The following CDH13 variants were observed in gnomAD, a reference collection of about 807,000 sequenced individuals.
CDH13 encodes the protein cadherin 13.
A neutral mutation model predicts 63.8 loss-of-function variants in CDH13; 24 were observed. The observed-to-expected ratio is 0.38, with a 90% CI of 0.27 to 0.53. CDH13 has a LOEUF of 0.53. Ranked by LOEUF, CDH13 falls within the 20% of genes least tolerant of loss-of-function variation. The probability of loss-of-function intolerance (pLI) is 0.85; values close to 1 mark genes in which losing one functional copy is unlikely to be tolerated. For synonymous variants in CDH13, 503 were observed against 355.3 expected (o/e 1.42, Z -4.67); for missense variants, 1,049 against 903.1 (o/e 1.16, Z -2.07).
intron 2 of CDH13, among the ~76,000 whole-genome samples, chr16:83,011,004 C>T (rs1389583152): frequency 6.6e-6 from 1 of 152,126 alleles, no homozygotes; most frequent in Non-Finnish European, 1.5e-5. Context: ...AACATCGTCG[C>T]CTAATTTTAA....
intron 4 of CDH13, among the ~76,000 whole-genome samples, chr16:83,194,629 A>T (rs1264928152): frequency 6.6e-6 from 1 of 152,226 alleles, no homozygotes; most frequent in African/African-American, 2.4e-5. Flanking sequence ...TTCTTGGGTA[A>T]AAAGAAAACG....
intron 5 of CDH13, among the ~76,000 whole-genome samples, chr16:83,224,710 C>G (rs1364513478): frequency 6.6e-6 from 1 of 152,210 alleles, no homozygotes; most frequent in Non-Finnish European, 1.5e-5. Flanking sequence ...ATGGTTCATT[C>G]TAATACTCTG....
intron 10 of CDH13, among the ~76,000 whole-genome samples, chr16:83,681,245 C>A (rs1041493563): frequency 6.6e-6 from 1 of 152,146 alleles, no homozygotes; most frequent in African/African-American, 2.4e-5. Flanking sequence ...TAATCAGGAA[C>A]CACAGAGAGC....
At chr16:82,735,955 T>G (rs1378362447) in intron 1 of CDH13, among the ~76,000 whole-genome samples, 4 of 152,184 alleles carry the variant, frequency 2.6e-5, no homozygotes, top group Non-Finnish European at 5.9e-5. Flanking sequence ...CTAGGCTGAT[T>G]TAGAGGTTTC....
At chr16:82,908,628 A>G (rs780516742) in intron 2 of CDH13, among the ~76,000 whole-genome samples, 10 of 152,218 alleles carry the variant, frequency 6.6e-5, no homozygotes, top group South Asian at 2.1e-4. Context: ...CTTAGAGGCA[A>G]CCAACATTAT....
At chr16:83,593,413 CA>C (rs1257521873) in intron 7 of CDH13, among the ~76,000 whole-genome samples, 1 of 152,130 alleles carries the variant, frequency 6.6e-6, no homozygotes, top group Non-Finnish European at 1.5e-5. Flanking sequence ...TCTCTGTTTC[CA>C]ACTAAGTGCT....
intron 2 of CDH13, among the ~76,000 whole-genome samples, chr16:82,975,353 C>G (rs557098049): frequency 3.9e-5 from 6 of 152,262 alleles, no homozygotes; most frequent in Non-Finnish European, 7.4e-5. Context: ...AGAGAGGGCC[C>G]CAGACAGTGG....
intron 6 of CDH13, among the ~76,000 whole-genome samples, chr16:83,431,196 T>G (rs2072093654): frequency 6.6e-6 from 1 of 151,970 alleles, no homozygotes; most frequent in Non-Finnish European, 1.5e-5. Context: ...ATGTGCCACA[T>G]TTTCTTAATC....
chr16:82,970,916 G>T (rs941484440), intron 2 of CDH13, among the ~76,000 whole-genome samples: 2 of 152,258 alleles, frequency 1.3e-5, no homozygotes, highest in Non-Finnish European at 2.9e-5. Context: ...TACTTACTCA[G>T]AGTGCAGGCA....
At chr16:83,350,358 A>G (rs2090927727) in intron 6 of CDH13, among the ~76,000 whole-genome samples, 1 of 152,240 alleles carries the variant, frequency 6.6e-6, no homozygotes, top group Non-Finnish European at 1.5e-5. Context: ...CCCAAACTGC[A>G]TGACTGACAA....
intron 8 of CDH13, among the ~76,000 whole-genome samples, chr16:83,612,130 TC>T (rs905358097): frequency 6.6e-6 from 1 of 152,092 alleles, no homozygotes; most frequent in African/African-American, 2.4e-5. Context: ...TAATTACAGA[TC>T]TATCTATTTC....
At chr16:83,517,417 C>T (rs1001657826) in intron 7 of CDH13, among the ~76,000 whole-genome samples, 4 of 152,196 alleles carry the variant, frequency 2.6e-5, no homozygotes, top group Non-Finnish European at 5.9e-5. Context: ...GAGCTCTGTT[C>T]CACGTAGTCA....
intron 7 of CDH13, among the ~76,000 whole-genome samples, chr16:83,582,019 T>A (rs1045893063): frequency 1.3e-5 from 2 of 152,182 alleles, no homozygotes; most frequent in African/African-American, 4.8e-5. Context: ...AAAGATTGCC[T>A]GGTCCTGGGT....
chr16:83,664,999 ATTG>A (rs1261839218), intron 8 of CDH13, among the ~76,000 whole-genome samples: 2 of 152,204 alleles, frequency 1.3e-5, no homozygotes, highest in Non-Finnish European at 1.5e-5. Flanking sequence ...ATTAAAATGA[ATTG>A]TTGTATCTTT....
At chr16:82,871,110 G>C (rs183703560) in intron 2 of CDH13, among the ~76,000 whole-genome samples, 86 of 152,300 alleles carry the variant, frequency 5.6e-4, no homozygotes, top group Non-Finnish European at 8.8e-4. Context: ...TAACACTATT[G>C]ACAATACCTG....
At chr16:82,695,875 C>T (rs1409846728) in intron 1 of CDH13, among the ~76,000 whole-genome samples, 2 of 152,166 alleles carry the variant, frequency 1.3e-5, no homozygotes, top group African/African-American at 4.8e-5. Context: ...ACATTAAACA[C>T]AGAGTTAAAT....
At chr16:83,424,265 A>G (rs532996925) in intron 6 of CDH13, among the ~76,000 whole-genome samples, 1 of 152,374 alleles carries the variant, frequency 6.6e-6, no homozygotes, top group South Asian at 2.1e-4. Flanking sequence ...TGGACAGTCT[A>G]GAAGAGGAAA....
intron 1 of CDH13, among the ~76,000 whole-genome samples, chr16:82,809,982 C>T (rs1230436677): frequency 6.6e-5 from 10 of 152,294 alleles, no homozygotes; most frequent in Non-Finnish European, 8.8e-5. Flanking sequence ...TCTCTGTATG[C>T]CCATCTATTA....
intron 3 of CDH13, among the ~76,000 whole-genome samples, chr16:83,107,308 T>C (rs2034817701): frequency 8.0e-6 from 1 of 124,584 alleles, no homozygotes; most frequent in African/African-American, 3.2e-5. Context: ...AAAGAGTTCG[T>C]TGGGGTTGGT....
Sources: gnomAD v4.1 joint callset for allele counts (sites outside exome capture counted in the v4.1 genomes callset) on GRCh38, gnomAD v4.1.1 for gene constraint, MANE v1.5 for transcripts, NCBI Gene and HGNC (gene_info 2026-07-23, HGNC 2026-07-21) for gene names.